MYH15: variants seen among roughly 807,000 people sequenced by gnomAD.
MYH15 encodes myosin heavy chain 15.
In MYH15, 227 loss-of-function variants were observed where a neutral mutation model predicts 240.5. That is an observed-to-expected ratio of 0.94 (90% CI 0.85 to 1.05). The LOEUF is 1.05. MYH15 is among the 50% of genes least tolerant of loss of function. The probability of loss-of-function intolerance (pLI) is 0.00; values close to 1 mark genes in which losing one functional copy is unlikely to be tolerated. For synonymous variants in MYH15, 785 were observed against 796.7 expected (o/e 0.99, Z 0.25); for missense variants, 2,217 against 2,247.5 (o/e 0.99, Z 0.27).
Position 108,405,344 on chromosome 3 carries a change from T to G in MYH15, c.4730A>C (p.Asn1577Thr). ...TCAAAATCATCTTAAATACCTAAAATTTTCTATTTCTTCATCTTTCTCTGA... is the reference window on the plus strand; with the variant it reads ...TCAAAATCATCTTAAATACCTAAAAGTTTCTATTTCTTCATCTTTCTCTGA... ...KLSEKDEEIE[N>T]FRRKQQCTID... Residue 1577 changes from asparagine to threonine, a missense_variant, in exon 33 of 41, where the codon AAT (asparagine) becomes ACT (threonine). Coordinates refer to ENST00000693548, the MANE Select transcript of MYH15 (RefSeq NM_014981.3). 6.7e-7 allele frequency: 1 copy of G among 1,491,512 alleles called. No homozygotes were observed. Among genetic ancestry groups the G allele is most frequent in the Non-Finnish European group, 9.1e-7 (1 of 1,100,716 alleles). The allele number at this position is 1,491,512 out of a possible 1,614,324, so 92.4% of individuals were successfully genotyped here.
chr3:108,437,288 T>TTTA (rs2082846887), intron 25 of MYH15, among the ~76,000 whole-genome samples: 1 of 151,926 alleles, frequency 6.6e-6, no homozygotes, highest in African/African-American at 2.4e-5. Context: ...TTCCCAAAAG[T>TTTA]TTACATCTCA....
At chr3:108,471,029 GA>G (rs2083169738) in intron 12 of MYH15, among the ~76,000 whole-genome samples, 182 bp from the exon 13 acceptor site, 1 of 79,852 alleles carries the variant, frequency 1.3e-5, no homozygotes, top group African/African-American at 6.5e-5. Context: ...GAGAGAAAAA[GA>G]AAGAAAGAAA....
In MYH15 at chr3:108,383,497, G is replaced by A. The variant is rs545851538; in HGVS notation, c.5766+98C>T. On this transcript the variant is annotated intron_variant, in intron 40 of 40. Coordinates refer to ENST00000693548, the MANE Select transcript of MYH15 (RefSeq NM_014981.3). ...TTCTTATCTTTTAAAAGCTTTTAAG[G>A]AGAAAAACAAATTTCTTGTTATACT... 7.5e-6 allele frequency: 10 copies of A among 1,335,382 alleles called. No homozygotes were observed. In the East Asian group the frequency reaches 2.2e-4, roughly 29 times the overall value. The allele number at this position is 1,335,382 out of a possible 1,614,324, so 82.7% of individuals were successfully genotyped here.
At position 108,470,828 on chromosome 3, in the gene MYH15, G is replaced by A. The variant is rs779256964; in HGVS notation, c.1253C>T (p.Ala418Val). 15 of 1,613,344 alleles carry A rather than the reference G, an allele frequency of 9.3e-6. No individual in the cohort carries two copies. The African/African-American group carries it at 1.6e-4, about 17-fold the overall frequency. Reference sequence around the variant, plus strand: ...CCTTTCATACATTGACTTGGACAGGGCACCGACAGCACAGGTTACCTAGAA... The same window carrying A: ...CCTTTCATACATTGACTTGGACAGGACACCGACAGCACAGGTTACCTAGAA... ...TIEQVTCAVG[A>V]LSKSMYERMF... The change falls in exon 13 of 41, where the codon GCC (alanine) becomes GTC (valine). Residue 418 changes from alanine to valine, a missense_variant. Transcript: ENST00000693548.
intron 27 of MYH15, among the ~76,000 whole-genome samples, chr3:108,426,058 A>C (rs924680401): frequency 6.6e-6 from 1 of 152,200 alleles, no homozygotes; most frequent in Admixed American, 6.5e-5. Flanking sequence ...GAAAGTGTTC[A>C]GGGCTCCATG....
intron 22 of MYH15, among the ~76,000 whole-genome samples, chr3:108,442,275 G>T (rs2082891355): frequency 6.6e-6 from 1 of 152,146 alleles, no homozygotes; most frequent in African/African-American, 2.4e-5. Context: ...TGGCCTCTGA[G>T]TAGCTCCTGG....
upstream of MYH15, among the ~76,000 whole-genome samples, chr3:108,532,378 G>GT (rs1444802961): frequency 1.3e-5 from 2 of 152,098 alleles, no homozygotes; most frequent in Non-Finnish European, 2.9e-5. Context: ...AACTCCTCCT[G>GT]TTTGACTCCT....
At chr3:108,397,083 T>A in intron 35 of MYH15, among the ~76,000 whole-genome samples, 1 of 152,182 alleles carries the variant, frequency 6.6e-6, no homozygotes, top group East Asian at 1.9e-4. Flanking sequence ...TGCTTTAATC[T>A]GTCCTTCACA....
chr3:108,512,399 G>T (rs1042853008), upstream of MYH15, among the ~76,000 whole-genome samples: 1 of 152,178 alleles, frequency 6.6e-6, no homozygotes, highest in Non-Finnish European at 1.5e-5. Context: ...ATGAGGAAAA[G>T]CTGTAGTCAG....
intron 27 of MYH15, among the ~76,000 whole-genome samples, chr3:108,428,123 T>C (rs2082740816): frequency 6.6e-6 from 1 of 152,250 alleles, no homozygotes; most frequent in Admixed American, 6.5e-5. Flanking sequence ...AGATAGGTTC[T>C]AGGAGTATCC....
chr3:108,530,724 C>T (rs928947316), upstream of MYH15, among the ~76,000 whole-genome samples: 1 of 151,942 alleles, frequency 6.6e-6, no homozygotes, highest in Non-Finnish European at 1.5e-5. Context: ...TTGCTGTGAA[C>T]CTAAAACTGC....
At chr3:108,524,288 C>A (rs1250530373) in intron 1 of MYH15, among the ~76,000 whole-genome samples, 1 of 151,868 alleles carries the variant, frequency 6.6e-6, no homozygotes, top group Non-Finnish European at 1.5e-5. Context: ...AATTTCATTT[C>A]TCTGTTAAAG....
At chr3:108,531,367 A>G (rs1307636487), upstream of MYH15, among the ~76,000 whole-genome samples, 4 of 152,122 alleles carry the variant, frequency 2.6e-5, no homozygotes, top group Admixed American at 6.5e-5. Context: ...TGTGCGTTGT[A>G]AAGTGTCATG....
At chr3:108,461,389 C>T (rs2083070585) in intron 16 of MYH15, among the ~76,000 whole-genome samples, 1 of 151,904 alleles carries the variant, frequency 6.6e-6, no homozygotes, top group South Asian at 2.1e-4. Context: ...ATTTGGATTC[C>T]CCAGGAGAAA....
Position 108,429,517 on chromosome 3 carries a change from G to GA in MYH15, c.3313-637dup, listed in dbSNP as rs111452989. ...AGTATCATCAGAGGCAGGATTATTG[G>GA]AAAAAAAAGGTGATAACAACTCTCA... On this transcript the variant is annotated intron_variant, in intron 26 of 40. Coordinates refer to ENST00000693548, the MANE Select transcript of MYH15 (RefSeq NM_014981.3). Among the ~76,000 whole-genome samples, 261 of 151,552 alleles carry GA rather than the reference G, an allele frequency of 1.7e-3. 1 individual carries two copies. Among genetic ancestry groups the GA allele is most frequent in the African/African-American group, 5.3e-3 (220 of 41,368 alleles).
chr3:108,537,296 C>T, the MYH15 span, among the ~76,000 whole-genome samples: 1 of 152,170 alleles, frequency 6.6e-6, no homozygotes, highest in Non-Finnish European at 1.5e-5. Flanking sequence ...TCCCATATAT[C>T]ACCTCATTCA....
intron 16 of MYH15, among the ~76,000 whole-genome samples, chr3:108,462,396 A>G (rs1317473767): frequency 1.3e-5 from 2 of 152,062 alleles, no homozygotes; most frequent in South Asian, 2.1e-4. Context: ...GCCTTTTGCC[A>G]TATAGTAGAT....
chr3:108,391,610 T>C, intron 37 of MYH15, 150 bp downstream of exon 37: 1 of 826,748 alleles, frequency 1.2e-6, no homozygotes, highest in Non-Finnish European at 1.9e-6. Flanking sequence ...ATGCATATAT[T>C]GAGATCTGAC....
intron 12 of MYH15, among the ~76,000 whole-genome samples, chr3:108,475,916 T>A (rs1172497171): frequency 6.6e-6 from 1 of 152,208 alleles, no homozygotes; most frequent in Admixed American, 6.5e-5. Flanking sequence ...GCGTTCCATC[T>A]CTCATTTCTG....
Sources: allele counts gnomAD v4.1 joint callset (sites outside exome capture counted in the v4.1 genomes callset), GRCh38; gene constraint gnomAD v4.1.1; transcripts MANE v1.5; gene names NCBI Gene and HGNC (gene_info 2026-07-23, HGNC 2026-07-21).